Variants in NOS1AP observed in about 807,000 individuals in gnomAD.
NOS1AP encodes carboxyl-terminal PDZ ligand of neuronal nitric oxide synthase protein.
NOS1AP carries 21 observed loss-of-function variants against 56.2 expected under a neutral mutation model. That is an observed-to-expected ratio of 0.37 (90% confidence interval 0.26 to 0.54). The LOEUF is 0.54. Ranked by LOEUF, NOS1AP falls within the 20% of genes least tolerant of loss-of-function variation. The probability of loss-of-function intolerance (pLI) is 0.84; values close to 1 mark genes in which losing one functional copy is unlikely to be tolerated. For synonymous variants in NOS1AP, 270 were observed against 274.6 expected, an observed-to-expected ratio of 0.98 and a Z score of 0.17; for missense variants, 522 against 657.8, an observed-to-expected ratio of 0.79 and a Z score of 2.26.
intron 2 of NOS1AP, among the ~76,000 whole-genome samples, chr1:162,172,171 G>A (rs978929791): frequency 6.6e-6 from 1 of 152,220 alleles, no homozygotes; most frequent in Admixed American, 6.5e-5. Context: ...ACCCATGACG[G>A]GTTGTGGGGA....
intron 2 of NOS1AP, among the ~76,000 whole-genome samples, chr1:162,217,584 C>T (rs1031498433): frequency 6.6e-6 from 1 of 152,068 alleles, no homozygotes; most frequent in Non-Finnish European, 1.5e-5. Context: ...GCTTTTTGTT[C>T]AAGCACTGGT....
At chr1:162,167,679 C>T (rs1381735758) in intron 2 of NOS1AP, among the ~76,000 whole-genome samples, 1 of 152,232 alleles carries the variant, frequency 6.6e-6, no homozygotes, top group Non-Finnish European at 1.5e-5. Flanking sequence ...GGGGGTCTCT[C>T]CCGAGCCGCT....
At chr1:162,132,711 T>C (rs1022577627) in intron 1 of NOS1AP, among the ~76,000 whole-genome samples, 2 of 152,224 alleles carry the variant, frequency 1.3e-5, no homozygotes, top group African/African-American at 2.4e-5. Context: ...ATAATAGGAA[T>C]CTATAGCATA....
chr1:162,192,742 G>C (rs527643316), intron 2 of NOS1AP, among the ~76,000 whole-genome samples: 2 of 152,296 alleles, frequency 1.3e-5, no homozygotes, highest in Non-Finnish European at 2.9e-5. Context: ...CCTGTAGTCA[G>C]GTTTACCAGC....
intron 2 of NOS1AP, among the ~76,000 whole-genome samples, chr1:162,227,899 C>T (rs1652992835): frequency 6.6e-6 from 1 of 152,094 alleles, no homozygotes; most frequent in Admixed American, 6.6e-5. Context: ...AAAAGAGAAA[C>T]CAGGGAGCAG....
intron 3 of NOS1AP, among the ~76,000 whole-genome samples, chr1:162,294,228 A>G (rs6690162): frequency 0.077 from 8,129 of 105,216 alleles, 362 homozygotes; most frequent in African/African-American, 0.18. Context: ...AGGAAGGAAG[A>G]AAGAAAGGAA....
intron 2 of NOS1AP, among the ~76,000 whole-genome samples, chr1:162,194,729 C>T (rs890890081): frequency 3.3e-5 from 5 of 152,174 alleles, no homozygotes; most frequent in Non-Finnish European, 7.3e-5. Flanking sequence ...TCGCCAACAG[C>T]CCTTGCTTTC....
Position 162,369,232 on chromosome 1 carries a change from T to C in NOS1AP, c.*1765T>C, listed in dbSNP as rs889409450. The C allele has an allele frequency of 2.0e-5, 3 of 152,212 alleles. No individual in the cohort carries two copies. The highest frequency in any genetic ancestry group is 7.2e-5 in the African/African-American group (3 of 41,446). 9.4% of individuals were successfully genotyped at this position (152,212 alleles called of 1,614,324 possible). On this transcript the variant is annotated 3_prime_UTR_variant, in exon 10 of 10. Coordinates refer to ENST00000361897, the MANE Select transcript of NOS1AP (RefSeq NM_014697.3). ...TTGTGTTTTCTAACATGCATTTAGT[T>C]GGAGAGGCATGGTTCTGTTTGTTTT...
chr1:162,219,349 G>A (rs1199865066), intron 2 of NOS1AP, among the ~76,000 whole-genome samples: 1 of 152,134 alleles, frequency 6.6e-6, no homozygotes, highest in Non-Finnish European at 1.5e-5. Flanking sequence ...ATGTTTTTAG[G>A]TCTCAGATAG....
At chr1:162,083,695 C>T (rs1237193429) in intron 1 of NOS1AP, among the ~76,000 whole-genome samples, 1 of 152,166 alleles carries the variant, frequency 6.6e-6, no homozygotes, top group Non-Finnish European at 1.5e-5. Context: ...AAGCATTTTG[C>T]AGCTTCCACA....
chr1:162,191,842 G>A (rs184759755), intron 2 of NOS1AP, among the ~76,000 whole-genome samples: 21 of 152,230 alleles, frequency 1.4e-4, no homozygotes, highest in African/African-American at 5.1e-4. Context: ...TTTAGCCTAG[G>A]TATTACCCTA....
chr1:162,222,280 G>A (rs769468241), intron 2 of NOS1AP, among the ~76,000 whole-genome samples: 19 of 152,198 alleles, frequency 1.2e-4, no homozygotes, highest in Admixed American at 2.6e-4. Context: ...TATACAAGGA[G>A]CACAGCAGTG....
In NOS1AP at chr1:162,070,116, G is replaced by T. The variant is rs1009160940; in HGVS notation, c.-62G>T. 1 of 1,346,336 alleles carries T rather than the reference G, an allele frequency of 7.4e-7. No individual in the cohort carries two copies. 83.4% of individuals were successfully genotyped at this position (1,346,336 alleles called of 1,614,324 possible). A position where few individuals can be genotyped will look rare whatever the true frequency, so the allele number is the denominator to read the frequency against. On this transcript the variant is annotated 5_prime_UTR_variant, in exon 1 of 10. Transcript: ENST00000361897. ...CCCAGCTCCAGTCTCCCCTCCCCGGGGTCTCGCCAGCCCCTTCCTGCAGCC... is the reference window on the plus strand; with the variant it reads ...CCCAGCTCCAGTCTCCCCTCCCCGGTGTCTCGCCAGCCCCTTCCTGCAGCC...
chr1:162,327,709 T>A (rs1216268819), intron 4 of NOS1AP, among the ~76,000 whole-genome samples: 1 of 152,200 alleles, frequency 6.6e-6, no homozygotes, highest in Non-Finnish European at 1.5e-5. Flanking sequence ...AAAAAAAACA[T>A]GATCAGAGAT....
chr1:162,127,615 G>A (rs565552476), intron 1 of NOS1AP, among the ~76,000 whole-genome samples: 94 of 152,208 alleles, frequency 6.2e-4, no homozygotes, highest in Admixed American at 1.2e-3. Flanking sequence ...TTCTGGAGAG[G>A]CCTCAGGAAA....
intron 5 of NOS1AP, among the ~76,000 whole-genome samples, chr1:162,335,462 A>G (rs1426316680): frequency 6.6e-6 from 1 of 152,222 alleles, no homozygotes; most frequent in Admixed American, 6.5e-5. Flanking sequence ...TAGCCTCCAA[A>G]CATGGTGATT....
intron 2 of NOS1AP, among the ~76,000 whole-genome samples, chr1:162,172,039 G>T (rs771300436): frequency 3.3e-5 from 5 of 152,288 alleles, no homozygotes; most frequent in South Asian, 2.1e-4. Flanking sequence ...TATTAGATGG[G>T]AAGATGCTGA....
At chr1:162,266,968 A>G (rs1654441197) in intron 2 of NOS1AP, among the ~76,000 whole-genome samples, 1 of 152,154 alleles carries the variant, frequency 6.6e-6, no homozygotes, top group African/African-American at 2.4e-5. Context: ...TCATTATGTT[A>G]TGGTACCAGA....
At chr1:162,351,457 G>C (rs1443574789) in intron 6 of NOS1AP, among the ~76,000 whole-genome samples, 1 of 152,086 alleles carries the variant, frequency 6.6e-6, no homozygotes, top group Admixed American at 6.5e-5. Flanking sequence ...TGATCCCCAA[G>C]CTCAGCCAGG....
Sources: gnomAD v4.1 joint callset for allele counts (sites outside exome capture counted in the v4.1 genomes callset) on GRCh38, gnomAD v4.1.1 for gene constraint, MANE v1.5 for transcripts, NCBI Gene and HGNC (gene_info 2026-07-23, HGNC 2026-07-21) for gene names.